The following GATM variants were observed in gnomAD, a reference collection of about 807,000 sequenced individuals.
GATM encodes the protein glycine amidinotransferase, mitochondrial.
A neutral mutation model predicts 54.2 loss-of-function variants in GATM; 23 were observed. The observed-to-expected ratio is 0.42, with a 90% CI of 0.31 to 0.60. The LOEUF is 0.60. Among genes scored for constraint, GATM ranks in the 20% least tolerant of loss-of-function variants. The probability of loss-of-function intolerance (pLI) is 0.14; values close to 1 mark genes in which losing one functional copy is unlikely to be tolerated. For missense variants in GATM, 401 were observed against 544.9 expected (o/e 0.74, Z 2.63); for synonymous variants, 168 against 183.1 (o/e 0.92, Z 0.67).
At chr15:45,384,883 T>A (rs1889787883) in intron 3 of GATM, among the ~76,000 whole-genome samples, 2 of 152,156 alleles carry the variant, frequency 1.3e-5, no homozygotes, top group African/African-American at 4.8e-5. Flanking sequence ...ATGTTTACAT[T>A]TTTTTGTAGA....
intron 6 of GATM, among the ~76,000 whole-genome samples, chr15:45,365,331 C>A (rs1158347616): frequency 6.6e-6 from 1 of 152,148 alleles, no homozygotes; most frequent in Admixed American, 6.5e-5. Flanking sequence ...TCCTTAGTGA[C>A]CTTTTACAAC....
At chr15:45,387,505 T>G (rs1456675352) in intron 3 of GATM, among the ~76,000 whole-genome samples, 1 of 152,222 alleles carries the variant, frequency 6.6e-6, no homozygotes, top group Admixed American at 6.5e-5. Context: ...AAGCAACTTC[T>G]TCCTGTGTAC....
At chr15:45,369,913 G>C (rs1406355945) in intron 2 of GATM, among the ~76,000 whole-genome samples, 3 of 152,030 alleles carry the variant, frequency 2.0e-5, no homozygotes, top group African/African-American at 7.2e-5. Flanking sequence ...ACACAAACTA[G>C]CATAAGAGAA....
intron 2 of GATM, among the ~76,000 whole-genome samples, chr15:45,398,737 C>A (rs1323125396): frequency 2.6e-5 from 4 of 152,162 alleles, no homozygotes; most frequent in Non-Finnish European, 4.4e-5. Context: ...AACTCATAGT[C>A]ATTGCTAATG....
intron 3 of GATM, chr15:45,396,356 C>A (rs1316497143): frequency 6.6e-6 from 1 of 152,114 alleles, no homozygotes; most frequent in Non-Finnish European, 1.5e-5. Flanking sequence ...CAGATATAGT[C>A]CTCAAACCAG....
At chr15:45,366,709 G>T (rs1475757157) in intron 4 of GATM, among the ~76,000 whole-genome samples, 1 of 152,160 alleles carries the variant, frequency 6.6e-6, no homozygotes, top group Non-Finnish European at 1.5e-5. Context: ...TAGCATTATA[G>T]TAATTTCCTG....
At chr15:45,381,269 T>C (rs1889738446), upstream of GATM, among the ~76,000 whole-genome samples, 1 of 152,192 alleles carries the variant, frequency 6.6e-6, no homozygotes, top group South Asian at 2.1e-4. Flanking sequence ...TCAAGTCTAA[T>C]AGTAGTTCAT....
exon 1 of GATM, chr15:45,402,201 G>T: frequency 1.7e-6 from 1 of 583,782 alleles, no homozygotes; most frequent in Non-Finnish European, 2.8e-6. Flanking sequence ...GAAAGCTCTG[G>T]GTTAGGCAAC....
At chr15:45,399,261 A>C (rs2140686466) in intron 2 of GATM, among the ~76,000 whole-genome samples, 1 of 152,372 alleles carries the variant, frequency 6.6e-6, no homozygotes, top group African/African-American at 2.4e-5. Flanking sequence ...TTTAACTTAG[A>C]AACTGAGTTT....
In GATM at chr15:45,361,892, T is replaced by C. The variant is rs1027895868; in HGVS notation, c.*217A>G. ...CCAAAATTTTATACTTGAAGCCAAA[T>C]AGTAAATAACTTTAGGAGTAGAGAG... On this transcript the variant is annotated 3_prime_UTR_variant, in exon 9 of 9. Transcript: ENST00000396659. The C allele has an allele frequency of 2.9e-5, 16 of 560,450 alleles. No individual in the cohort carries two copies. The highest frequency in any genetic ancestry group is 9.2e-4 in the Middle Eastern group (2 of 2,184). 34.7% of individuals were successfully genotyped at this position (560,450 alleles called of 1,614,324 possible).
chr15:45,370,824 G>A (rs1463316549), intron 2 of GATM, among the ~76,000 whole-genome samples: 1 of 152,184 alleles, frequency 6.6e-6, no homozygotes, highest in East Asian at 1.9e-4. Context: ...AGACAGGAGT[G>A]CAATGGCACC....
At chr15:45,382,049 A>G (rs554723243), upstream of GATM, among the ~76,000 whole-genome samples, 1 of 152,334 alleles carries the variant, frequency 6.6e-6, no homozygotes, top group African/African-American at 2.4e-5. Context: ...ACATATTTAA[A>G]AGACTGCATT....
At chr15:45,380,273 T>A (rs1024483706), upstream of GATM, 1 of 145,364 alleles carries the variant, frequency 6.9e-6, no homozygotes, top group African/African-American at 2.6e-5. Context: ...AAAAGCTATA[T>A]GAGGTAATGT....
At chr15:45,378,306 G>GGAGC (rs1889676726) in intron 1 of GATM, 79 bp downstream of exon 1, 2 of 1,144,392 alleles carry the variant, frequency 1.7e-6, no homozygotes, top group Non-Finnish European at 2.4e-6. Context: ...CTCCGGGCAG[G>GGAGC]GAGCGAGCGA....
At chr15:45,366,262 G>C in intron 5 of GATM, 52 bp from the exon 6 acceptor site, 1 of 1,610,176 alleles carries the variant, frequency 6.2e-7, no homozygotes, top group Non-Finnish European at 8.5e-7. Flanking sequence ...TCTATGTCTA[G>C]AAAACTAAAA....
chr15:45,383,997 G>A (rs1307912639), intron 3 of GATM, among the ~76,000 whole-genome samples: 2 of 152,130 alleles, frequency 1.3e-5, no homozygotes, highest in African/African-American at 4.8e-5. Context: ...TGAAGAAACC[G>A]AGCCCTACAG....
At chr15:45,396,706 T>C (rs1889935741) in intron 3 of GATM, among the ~76,000 whole-genome samples, 1 of 151,692 alleles carries the variant, frequency 6.6e-6, no homozygotes, top group Non-Finnish European at 1.5e-5. Context: ...CCGTTCCTAC[T>C]AAAAATACAA....
chr15:45,363,957 T>C lies in GATM; in HGVS notation c.1102A>G (p.Lys368Glu). Residue 368 changes from lysine (K) to glutamate (E), a missense_variant, in exon 8 of 9, where the codon AAA (lysine) becomes GAA (glutamate). Physicochemically the swap from Lys to Glu is moderately conservative, Grantham distance 56. Transcript: ENST00000396659. ...LSMNVLMLDE[K>E]RVMVDANEVP... is the part of the protein sequence containing the mutation. ...TCATTGGCATCCACCATAACACGTTTTTCATCTAGCATTAAGACATTCATG... is the reference window on the plus strand; with the variant it reads ...TCATTGGCATCCACCATAACACGTTCTTCATCTAGCATTAAGACATTCATG... 1.2e-6 allele frequency: 2 copies of C among 1,613,868 alleles called. No homozygotes were observed. The highest frequency in any genetic ancestry group is 1.7e-6 in the Non-Finnish European group (2 of 1,179,934).
upstream of GATM, chr15:45,378,709 C>G (rs1288646588): frequency 2.6e-6 from 1 of 382,468 alleles, no homozygotes; most frequent in Non-Finnish European, 4.7e-6. Flanking sequence ...CGATGCTTGC[C>G]CTTTTTTAGC....
Sources: gnomAD v4.1 joint callset for allele counts (sites outside exome capture counted in the v4.1 genomes callset) on GRCh38, gnomAD v4.1.1 for gene constraint, MANE v1.5 for transcripts, NCBI Gene and HGNC (gene_info 2026-07-23, HGNC 2026-07-21) for gene names.